Variants in SLX4 observed in about 807,000 individuals in gnomAD.
SLX4 encodes SLX4 structure-specific endonuclease subunit.
A neutral mutation model predicts 146.2 loss-of-function variants in SLX4; 112 were observed. The observed-to-expected ratio is 0.77, with a 90% confidence interval of 0.66 to 0.90. The LOEUF is 0.90. SLX4 is among the 40% of genes least tolerant of loss of function. The pLI, the probability that SLX4 is intolerant of heterozygous loss-of-function variation, is 0.00. For missense variants in SLX4, 2,563 were observed against 2,392.7 expected (o/e 1.07, Z -1.49); for synonymous variants, 1,061 against 997.7 (o/e 1.06, Z -1.20).
intron 9 of SLX4, among the ~76,000 whole-genome samples, 191 bp downstream of exon 9, chr16:3,595,414 C>T (rs570428691): frequency 2.0e-5 from 3 of 152,180 alleles, no homozygotes; most frequent in African/African-American, 4.8e-5. Context: ...CCCAGAGGGG[C>T]GCTGAGGTGG....
In SLX4 at chr16:3,608,581, C is replaced by T. The variant is rs2040812519; in HGVS notation, c.384G>A (p.Trp128Ter). The stretch of plus-strand genomic sequence containing the variant: ...CAGAGTGGGCCGGTTCACTTGCTTG[C>T]CATTTGGTTACCCTTTGCTTTTTAG... ...PRTKKQRVTK[W>*]QASEPAHSVN... Residue 128 changes from tryptophan to a stop codon, truncating the protein, a stop_gained, in exon 2 of 15, where the codon TGG becomes TGA. Coordinates refer to ENST00000294008, the MANE Select transcript of SLX4 (RefSeq NM_032444.4). LOFTEE classifies it high-confidence loss of function. The T allele has an allele frequency of 6.2e-7, 1 of 1,614,174 alleles. No homozygotes were observed. The highest frequency in any genetic ancestry group is 8.5e-7 in the Non-Finnish European group (1 of 1,180,038).
At position 3,598,010 on chromosome 16, in the gene SLX4, GC is replaced by G; in HGVS notation, c.1164-12del. Reference sequence around the variant, plus strand: ...CTGTGATCACTGAAGCTAGAAAACAGCCAAAGAGAAAAGTTACTGGGGCTAG... The same window carrying G: ...CTGTGATCACTGAAGCTAGAAAACAGCAAAGAGAAAAGTTACTGGGGCTAG... On this transcript the variant is annotated splice_polypyrimidine_tract_variant and intron_variant, in intron 5 of 14. Coordinates refer to ENST00000294008, the MANE Select transcript of SLX4 (RefSeq NM_032444.4). 6.2e-7 allele frequency: 1 copy of G among 1,614,116 alleles called. No individual in the cohort carries two copies.
At chr16:3,594,016 C>T (rs544019631) in intron 10 of SLX4, among the ~76,000 whole-genome samples, 54 of 152,170 alleles carry the variant, frequency 3.5e-4, no homozygotes, top group South Asian at 2.1e-3. Context: ...GGACTACAGG[C>T]GCCCGCCACC....
intron 9 of SLX4, among the ~76,000 whole-genome samples, 169 bp from the exon 10 acceptor site, chr16:3,594,768 C>A (rs1238724697): frequency 6.6e-6 from 1 of 152,218 alleles, no homozygotes; most frequent in Non-Finnish European, 1.5e-5. Context: ...CTCTGAGTGA[C>A]CCTAAGGCCC....
chr16:3,593,265 G>C (rs1357873241), intron 10 of SLX4, among the ~76,000 whole-genome samples: 2 of 152,122 alleles, frequency 1.3e-5, no homozygotes, highest in Non-Finnish European at 2.9e-5. Context: ...TAGAGATAAG[G>C]TTTCACTATG....
intron 7 of SLX4, among the ~76,000 whole-genome samples, chr16:3,596,908 C>T (rs549169863): frequency 2.6e-5 from 4 of 151,988 alleles, no homozygotes; most frequent in East Asian, 1.9e-4. Flanking sequence ...CTGCAACTTC[C>T]GCCTCCCCGG....
At chr16:3,602,007 A>G (rs1009540594) in intron 4 of SLX4, 111 bp downstream of exon 4, 1 of 1,277,208 alleles carries the variant, frequency 7.8e-7, no homozygotes, top group Non-Finnish European at 1.1e-6. Context: ...TTGACAACAA[A>G]GCTGAGGTGC....
At position 3,590,886 on chromosome 16, in the gene SLX4, TG is replaced by T; in HGVS notation, c.2751del (p.Thr918ProfsTer83). On this transcript the variant is annotated frameshift_variant, in exon 12 of 15. Transcript: ENST00000294008. LOFTEE classifies it high-confidence loss of function. This position sits in a 1 kb window ranked among gnomAD's most constrained non-coding sequence, Gnocchi z 4.8. ...EPLEPGRDEA[A>X]TTWEKMGQCA... ...CACTGTCCCATCTTCTCCCAGGTGG[TG>T]GCGGCCTCATCTCTTCCTGGCTCCA... The T allele has an allele frequency of 6.2e-7, 1 of 1,614,048 alleles. No individual in the cohort carries two copies. Among genetic ancestry groups the T allele is most frequent in the Non-Finnish European group, 8.5e-7 (1 of 1,179,996 alleles).
Position 3,600,591 on chromosome 16 carries a change from C to CTTT in SLX4, c.1163+385_1163+387dup, listed in dbSNP as rs974875930. The CTTT allele has an allele frequency of 2.4e-3, 248 of 102,620 alleles. 61 individuals carry two copies. Among genetic ancestry groups the CTTT allele is most frequent in the Admixed American group, 3.0e-3 (22 of 7,268 alleles). The allele number at this position is 102,620 out of a possible 1,614,324, so 6.4% of individuals were successfully genotyped here. Reference sequence around the variant, plus strand: ...TTTTTCCCTCCAACACTATAAAAAGCTTTTTTTTTTTTTTTTTTTTTTTTT... The same window carrying CTTT: ...TTTTTCCCTCCAACACTATAAAAAGCTTTTTTTTTTTTTTTTTTTTTTTTTTTT... On this transcript the variant is annotated intron_variant, in intron 5 of 14. Transcript: ENST00000294008.
rs199573277 is a variant in SLX4 at position 3,583,367 on chromosome 16, G to T, written c.4883C>A (p.Thr1628Asn). 25 of 1,613,154 alleles carry T rather than the reference G, an allele frequency of 1.5e-5. No individual in the cohort carries two copies. The highest frequency in any genetic ancestry group is 1.1e-4 in the African/African-American group (8 of 74,900). ...AGGCTTGTAGGTCTGGGAGGCGAGG[G>T]TCTGGCAGTGAGGCGCCTGCAACAG... The part of the protein sequence containing the change: ...QPLLQAPHCQ[T>N]LASQTYKPSR... The change falls in exon 14 of 15, where the codon ACC becomes AAC. Residue 1628 changes from threonine to asparagine, a missense_variant. Transcript: ENST00000294008.
At position 3,589,625 on chromosome 16, in the gene SLX4, T is replaced by G; in HGVS notation, c.4013A>C (p.Gln1338Pro). Residue 1338 changes from glutamine to proline, a missense_variant, in exon 12 of 15, where the codon CAA (glutamine) becomes CCA (proline). Transcript: ENST00000294008. The surrounding 1 kb of genome is among the most constrained non-coding windows in gnomAD (Gnocchi z 6.2). ...GGGACGGGAAGGGCTTCTGTGGCCTTGCCTTCTGCCGTCAGAAGTTCCTGG... is the reference window on the plus strand; with the variant it reads ...GGGACGGGAAGGGCTTCTGTGGCCTGGCCTTCTGCCGTCAGAAGTTCCTGG... ...VSPGTSDGRR[Q>P]GHRSPSRPHP... The G allele has an allele frequency of 6.2e-7, 1 of 1,613,920 alleles. No individual in the cohort carries two copies. Among genetic ancestry groups the G allele is most frequent in the Non-Finnish European group, 8.5e-7 (1 of 1,180,020 alleles).
chr16:3,594,344 G>A, intron 10 of SLX4, 109 bp downstream of exon 10: 9 of 1,438,798 alleles, frequency 6.3e-6, no homozygotes, highest in Admixed American at 2.0e-5. Context: ...GTGAGGGAGA[G>A]TGGGGGGGTG....
At position 3,589,104 on chromosome 16, in the gene SLX4, C is replaced by G. The variant is rs1261615541; in HGVS notation, c.4534G>C (p.Asp1512His). 6.2e-7 allele frequency: 1 copy of G among 1,614,178 alleles called. No individual in the cohort carries two copies. The change falls in exon 12 of 15, where the codon GAC (aspartate) becomes CAC (histidine). Residue 1512 changes from aspartate to histidine, a missense_variant. Physicochemically the swap from Asp to His is moderately conservative, Grantham distance 81 (BLOSUM62 -1). Coordinates refer to ENST00000294008, the MANE Select transcript of SLX4 (RefSeq NM_032444.4). The surrounding 1 kb of genome is among the most constrained non-coding windows in gnomAD (Gnocchi z 6.2). ...RPSFLNSALW[D>H]VWDGEEQRPP... ...CTCTGCTCTTCCCCGTCCCAAACGT[C>G]CCACAGAGCCGAATTCAGAAAGCTC...
In SLX4 at chr16:3,590,549, G is replaced by A. The variant is rs774562724; in HGVS notation, c.3089C>T (p.Pro1030Leu). ...HRLAPWQASP[P>L]HPCRFLLGPP... ...CCCCAATAGGAAGCGGCACGGGTGC[G>A]GTGGAGATGCCTGCCAGGGAGCCAG... The change falls in exon 12 of 15, where the codon CCG (proline) becomes CTG (leucine). Residue 1030 changes from proline (P) to leucine (L), a missense_variant. By Grantham distance (98) the Pro-to-Leu change is moderately conservative. Coordinates refer to ENST00000294008, the MANE Select transcript of SLX4 (RefSeq NM_032444.4). This position sits in a 1 kb window ranked among gnomAD's most constrained non-coding sequence, Gnocchi z 4.8. 1.2e-5 allele frequency: 20 copies of A among 1,612,568 alleles called. No homozygotes were observed. The highest frequency in any genetic ancestry group is 8.8e-5 in the South Asian group (8 of 91,070).
At chr16:3,602,342 C>G in intron 3 of SLX4, 35 bp from the exon 4 acceptor site, 1 of 1,610,250 alleles carries the variant, frequency 6.2e-7, no homozygotes, top group Non-Finnish European at 8.5e-7. Flanking sequence ...TGAGAATAAA[C>G]TCCAAAGACA....
chr16:3,602,061 G>A (rs2040733047), intron 4 of SLX4, 57 bp downstream of exon 4: 1 of 1,609,880 alleles, frequency 6.2e-7, no homozygotes, highest in African/African-American at 1.3e-5. Context: ...CAGCCCTGGG[G>A]TGCTTGGGGA....
rs1456179645 is a variant in SLX4 at position 3,606,460 on chromosome 16, C to G, written c.760+14G>C. 1 of 1,613,064 alleles carries G rather than the reference C, an allele frequency of 6.2e-7. No homozygotes were observed. The highest frequency in any genetic ancestry group is 8.5e-7 in the Non-Finnish European group (1 of 1,179,150). On this transcript the variant is annotated intron_variant, in intron 3 of 14. Coordinates refer to ENST00000294008, the MANE Select transcript of SLX4 (RefSeq NM_032444.4). ...CTTATCTCTGTGTGGAAGACAGAAA[C>G]ACACTCATCATACCATTCCCCGCCA...
intron 2 of SLX4, among the ~76,000 whole-genome samples, chr16:3,607,108 T>A (rs2040794809): frequency 1.3e-5 from 2 of 152,224 alleles, no homozygotes; most frequent in Admixed American, 1.3e-4. Flanking sequence ...AAGGTTTATG[T>A]CCTAGATCAG....
chr16:3,594,522 C>T lies in SLX4; in HGVS notation c.2091G>A (p.Thr697=), dbSNP rs376325761. ...GGGCGTAAAGCACCTCCCCGCTGTC[C>T]GTCTGAAACTGGACATCACTCAGGT... The part of the protein sequence containing the change: ...NPHLSDVQFQ[T]DSGEVLYAHK... Residue 697 remains threonine, a synonymous_variant, in exon 10 of 15, where the codon ACG becomes ACA. Transcript: ENST00000294008. The T allele has an allele frequency of 6.2e-6, 10 of 1,613,980 alleles. No homozygotes were observed. The highest frequency in any genetic ancestry group is 1.7e-5 in the Admixed American group (1 of 59,988).
Sources: allele counts gnomAD v4.1 joint callset (sites outside exome capture counted in the v4.1 genomes callset), GRCh38; gene constraint gnomAD v4.1.1; non-coding constraint Gnocchi (gnomAD v3.1); transcripts MANE v1.5; gene names NCBI Gene and HGNC (gene_info 2026-07-23, HGNC 2026-07-21).